The following SPAG16 variants were observed in gnomAD, a reference collection of about 807,000 sequenced individuals.
The protein encoded by SPAG16 is sperm-associated antigen 16 protein.
SPAG16 carries 86 observed loss-of-function variants against 80.4 expected under a neutral mutation model. The ratio of observed to expected loss-of-function variants is 1.07; its 90% CI spans 0.90 to 1.28. SPAG16 has a LOEUF of 1.28. Ranked by LOEUF, SPAG16 falls within the 50% of genes most tolerant of loss-of-function variation. The pLI is 0.00. For synonymous variants in SPAG16, 294 were observed against 265.9 expected, an observed-to-expected ratio of 1.11 and a Z score of -1.03; for missense variants, 870 against 765.3, an observed-to-expected ratio of 1.14 and a Z score of -1.61.
chr2:213,604,295 C>A (rs975786054), intron 10 of SPAG16, among the ~76,000 whole-genome samples: 9 of 152,188 alleles, frequency 5.9e-5, no homozygotes, highest in Non-Finnish European at 4.4e-5. Context: ...ATTTCTGAAG[C>A]TAGTTCTGTT....
chr2:214,401,686 T>A (rs1701717125), intron 15 of SPAG16, among the ~76,000 whole-genome samples: 1 of 151,902 alleles, frequency 6.6e-6, no homozygotes. Flanking sequence ...CTATTTCTTA[T>A]AACAAAGCTC....
At chr2:214,232,620 A>G (rs575935726) in intron 15 of SPAG16, among the ~76,000 whole-genome samples, 1 of 152,036 alleles carries the variant, frequency 6.6e-6, no homozygotes, top group African/African-American at 2.4e-5. Flanking sequence ...GATTTACTCA[A>G]TTTATTCTAA....
chr2:213,737,908 A>G (rs889455853), intron 10 of SPAG16, among the ~76,000 whole-genome samples: 2 of 152,120 alleles, frequency 1.3e-5, no homozygotes, highest in Non-Finnish European at 2.9e-5. Context: ...TTTTCTGTCT[A>G]TAGTTGCTAC....
intron 10 of SPAG16, among the ~76,000 whole-genome samples, chr2:213,672,707 T>A (rs1574741802): frequency 6.6e-6 from 1 of 152,286 alleles, no homozygotes; most frequent in East Asian, 1.9e-4. Flanking sequence ...TATATGGGTA[T>A]CACATTATTG....
intron 11 of SPAG16, among the ~76,000 whole-genome samples, chr2:213,867,828 G>C (rs2075755859): frequency 6.7e-6 from 1 of 148,336 alleles, no homozygotes; most frequent in African/African-American, 2.5e-5. Flanking sequence ...GGAGGCTGAG[G>C]CAGGAGAATG....
chr2:213,289,524 A>C (rs1028798206), intron 1 of SPAG16, among the ~76,000 whole-genome samples: 1 of 152,220 alleles, frequency 6.6e-6, no homozygotes, highest in African/African-American at 2.4e-5. Flanking sequence ...TGCAGGGAGC[A>C]ATTGGCAAAA....
rs565681751 is a variant in SPAG16 at position 213,892,507 on chromosome 2, T to G, written c.1214+29879T>G. 3.9e-5 allele frequency among the ~76,000 whole-genome samples: 6 copies of G among 152,260 alleles called. No homozygotes were observed. The South Asian group carries it at 1.2e-3, about 32-fold the overall frequency. On this transcript the variant is annotated intron_variant, in intron 11 of 15. Coordinates refer to ENST00000331683, the MANE Select transcript of SPAG16 (RefSeq NM_024532.5). ...CAATGAGATGGCAATATGTGAGCTC[T>G]CTGACAAAGAATTCAAAATGGTAGT...
At chr2:213,995,884 A>G (rs1386395907) in intron 12 of SPAG16, among the ~76,000 whole-genome samples, 1 of 152,190 alleles carries the variant, frequency 6.6e-6, no homozygotes, top group African/African-American at 2.4e-5. Context: ...ATAGAATGAT[A>G]CTAAATTCTT....
At chr2:214,318,034 A>C (rs1486576113) in intron 15 of SPAG16, among the ~76,000 whole-genome samples, 1 of 152,222 alleles carries the variant, frequency 6.6e-6, no homozygotes, top group East Asian at 1.9e-4. Context: ...TAATTGTGCT[A>C]TATTTCTTAA....
At chr2:213,470,744 G>C (rs2073034566) in intron 9 of SPAG16, among the ~76,000 whole-genome samples, 1 of 152,210 alleles carries the variant, frequency 6.6e-6, no homozygotes, top group South Asian at 2.1e-4. Context: ...GAAAGAGGCT[G>C]AGTGGTGTCC....
At chr2:213,365,680 A>G (rs1164614211) in intron 8 of SPAG16, among the ~76,000 whole-genome samples, 1 of 149,616 alleles carries the variant, frequency 6.7e-6, no homozygotes, top group African/African-American at 2.5e-5. Flanking sequence ...CTGGTCTTGA[A>G]CTCCTGTCTT....
At chr2:213,611,736 A>T (rs1011324020) in intron 10 of SPAG16, among the ~76,000 whole-genome samples, 4 of 152,196 alleles carry the variant, frequency 2.6e-5, no homozygotes, top group African/African-American at 7.2e-5. Flanking sequence ...TAAGCTAATA[A>T]TAGGTGATAA....
chr2:213,923,876 G>C (rs915019323), intron 11 of SPAG16: 3 of 152,386 alleles, frequency 2.0e-5, no homozygotes, highest in Non-Finnish European at 4.4e-5. Context: ...TGCCCACCTG[G>C]CTGTCCATGG....
chr2:213,942,271 T>G (rs2079234362), intron 12 of SPAG16, among the ~76,000 whole-genome samples: 1 of 152,184 alleles, frequency 6.6e-6, no homozygotes, highest in South Asian at 2.1e-4. Context: ...TCATTTCATG[T>G]TTATAACCTC....
intron 5 of SPAG16, among the ~76,000 whole-genome samples, chr2:213,329,101 A>G (rs1306924512): frequency 1.3e-5 from 2 of 151,886 alleles, no homozygotes; most frequent in Non-Finnish European, 2.9e-5. Flanking sequence ...AGTCCATTAA[A>G]CCTCTTTTTC....
intron 10 of SPAG16, among the ~76,000 whole-genome samples, chr2:213,634,281 C>A (rs2125091734): frequency 6.6e-6 from 1 of 152,198 alleles, no homozygotes; most frequent in Non-Finnish European, 1.5e-5. Flanking sequence ...AACAAACAAA[C>A]AAAATGAACA....
chr2:213,567,231 G>GTTTT (rs369737697), intron 10 of SPAG16, among the ~76,000 whole-genome samples: 17 of 104,694 alleles, frequency 1.6e-4, no homozygotes, highest in African/African-American at 4.7e-4. Flanking sequence ...GTTTGACATT[G>GTTTT]TTTTTTTTTT....
intron 11 of SPAG16, among the ~76,000 whole-genome samples, chr2:213,920,425 T>G (rs2078161387): frequency 6.6e-6 from 1 of 152,152 alleles, no homozygotes; most frequent in Non-Finnish European, 1.5e-5. Flanking sequence ...CACGTTGGCA[T>G]GGGGGAAGGT....
intron 10 of SPAG16, among the ~76,000 whole-genome samples, chr2:213,574,467 T>C (rs2060043930): frequency 6.6e-6 from 1 of 151,952 alleles, no homozygotes; most frequent in Non-Finnish European, 1.5e-5. Flanking sequence ...GAGCTAAACA[T>C]GGTGTTGGGC....
Sources: allele counts gnomAD v4.1 joint callset (sites outside exome capture counted in the v4.1 genomes callset), GRCh38; gene constraint gnomAD v4.1.1; transcripts MANE v1.5; gene names NCBI Gene and HGNC (gene_info 2026-07-23, HGNC 2026-07-21).